Variants in FYN observed in about 807,000 individuals in gnomAD.
FYN encodes the protein FYN proto-oncogene, Src family tyrosine kinase.
Under a neutral mutation model 70.2 loss-of-function variants are expected in FYN, and 10 were observed. The observed-to-expected ratio is 0.14, with a 90% CI of 0.09 to 0.24. The LOEUF is 0.24. Among genes scored for constraint, FYN ranks in the 10% least tolerant of loss-of-function variants. The pLI is 1.00. For missense variants in FYN, 319 were observed against 673.1 expected, an observed-to-expected ratio of 0.47 and a Z score of 5.82; for synonymous variants, 236 against 248.6, an observed-to-expected ratio of 0.95 and a Z score of 0.48.
intron 2 of FYN, chr6:111,793,684 G>A (rs745906585): frequency 6.6e-6 from 1 of 152,254 alleles, no homozygotes; most frequent in African/African-American, 2.4e-5. Context: ...ATGAGGTCCA[G>A]AGTCTTCACC....
intron 5 of FYN, among the ~76,000 whole-genome samples, chr6:111,712,624 G>A (rs965329478): frequency 2.0e-5 from 3 of 152,200 alleles, no homozygotes; most frequent in African/African-American, 4.8e-5. Flanking sequence ...GATATCAAAC[G>A]ATGACGTCGA....
intron 2 of FYN, among the ~76,000 whole-genome samples, chr6:111,795,615 C>A (rs906027845): frequency 5.9e-5 from 9 of 152,274 alleles, no homozygotes; most frequent in Middle Eastern, 3.4e-3. Flanking sequence ...GAAGAACACT[C>A]TACCAGAGGG....
At chr6:111,871,014 A>C (rs1004232424) in intron 1 of FYN, among the ~76,000 whole-genome samples, 1 of 152,208 alleles carries the variant, frequency 6.6e-6, no homozygotes, top group African/African-American at 2.4e-5. Context: ...GTAAATATTT[A>C]ATGAATCATA....
Position 111,771,147 on chromosome 6 carries a change from C to G in FYN, c.-12+9419G>C, listed in dbSNP as rs552647134. Among the ~76,000 whole-genome samples the G allele has an allele frequency of 3.3e-5, 5 of 152,220 alleles. No homozygotes were observed. In the South Asian group the frequency reaches 1.0e-3, roughly 32 times the overall value. On this transcript the variant is annotated intron_variant, in intron 3 of 13. Coordinates refer to ENST00000354650, the MANE Select transcript of FYN (RefSeq NM_002037.5). ...ACCAACAGAGATCTTTAGCCTCTGCCTGGACCCATCTGGAGAGTCACTGCT... is the reference window on the plus strand; with the variant it reads ...ACCAACAGAGATCTTTAGCCTCTGCGTGGACCCATCTGGAGAGTCACTGCT...
intron 12 of FYN, among the ~76,000 whole-genome samples, chr6:111,688,375 C>G (rs773580271): frequency 5.3e-5 from 8 of 152,140 alleles, no homozygotes; most frequent in African/African-American, 1.9e-4. Context: ...GCAGCCACAA[C>G]AGCATTTGAT....
At chr6:111,728,528 C>T (rs1801291586) in intron 3 of FYN, among the ~76,000 whole-genome samples, 1 of 152,172 alleles carries the variant, frequency 6.6e-6, no homozygotes, top group African/African-American at 2.4e-5. Context: ...CAGCCCCTGG[C>T]AACCACGAAT....
intron 2 of FYN, among the ~76,000 whole-genome samples, chr6:111,805,601 A>G (rs1193157495): frequency 1.3e-5 from 2 of 151,832 alleles, no homozygotes; most frequent in South Asian, 2.1e-4. Context: ...TGCTCCTCCT[A>G]TCGGCTTCAC....
intron 6 of FYN, among the ~76,000 whole-genome samples, chr6:111,706,938 G>A (rs1023977296): frequency 6.6e-6 from 1 of 152,184 alleles, no homozygotes; most frequent in South Asian, 2.1e-4. Context: ...GTATTTGAGA[G>A]TGGGAAACAA....
chr6:111,807,091 C>T (rs923842860), intron 2 of FYN, among the ~76,000 whole-genome samples: 2 of 152,176 alleles, frequency 1.3e-5, no homozygotes, highest in African/African-American at 4.8e-5. Flanking sequence ...GTGACAGGGA[C>T]AGACTACTCA....
At chr6:111,836,833 T>G (rs1420393220) in intron 2 of FYN, among the ~76,000 whole-genome samples, 1 of 152,188 alleles carries the variant, frequency 6.6e-6, no homozygotes, top group African/African-American at 2.4e-5. Context: ...GGTTCTGAAA[T>G]GAGCCAAGAA....
chr6:111,842,491 C>T (rs1478934989), intron 2 of FYN, among the ~76,000 whole-genome samples: 2 of 152,172 alleles, frequency 1.3e-5, no homozygotes, highest in Admixed American at 6.5e-5. Flanking sequence ...AACCAGTACA[C>T]GCATTTGCGC....
At chr6:111,773,938 C>T (rs115234418) in intron 3 of FYN, among the ~76,000 whole-genome samples, 39 of 152,304 alleles carry the variant, frequency 2.6e-4, no homozygotes, top group African/African-American at 9.1e-4. Context: ...TAAGGGTTCA[C>T]CAGATAGGTA....
At chr6:111,786,978 T>C (rs1583443897) in intron 2 of FYN, among the ~76,000 whole-genome samples, 1 of 152,356 alleles carries the variant, frequency 6.6e-6, no homozygotes, top group African/African-American at 2.4e-5. Flanking sequence ...CTTTGTCAGA[T>C]GAGTAGATTG....
At position 111,868,580 on chromosome 6, in the gene FYN, C is replaced by G. The variant is rs758276261; in HGVS notation, c.-123+4388G>C. ...GCTATAAAATTATATTTCTCATCAACCAAAAGTCTTAGTTTCTAAAGCATT... is the reference window on the plus strand; with the variant it reads ...GCTATAAAATTATATTTCTCATCAAGCAAAAGTCTTAGTTTCTAAAGCATT... On this transcript the variant is annotated intron_variant, in intron 1 of 13. Coordinates refer to ENST00000354650, the MANE Select transcript of FYN (RefSeq NM_002037.5). Among the ~76,000 whole-genome samples, 24 of 152,134 alleles carry G rather than the reference C, an allele frequency of 1.6e-4. 1 individual carries two copies. The highest frequency in any genetic ancestry group is 1.8e-4 in the Non-Finnish European group (12 of 68,006).
intron 2 of FYN, among the ~76,000 whole-genome samples, chr6:111,788,930 C>T (rs1288498529): frequency 6.6e-6 from 1 of 152,070 alleles, no homozygotes; most frequent in East Asian, 1.9e-4. Flanking sequence ...TCTGCTTCCC[C>T]TGCCTGCAGG....
chr6:111,770,055 A>T (rs963174839), intron 3 of FYN, among the ~76,000 whole-genome samples: 1 of 152,172 alleles, frequency 6.6e-6, no homozygotes, highest in African/African-American at 2.4e-5. Flanking sequence ...TAAAGAACAT[A>T]GCTGGGTGTG....
At chr6:111,723,541 A>C (rs538988269) in intron 3 of FYN, among the ~76,000 whole-genome samples, 13 of 152,356 alleles carry the variant, frequency 8.5e-5, no homozygotes, top group South Asian at 2.1e-4. Context: ...AAAATAAATC[A>C]GTAAATGCAG....
intron 1 of FYN, among the ~76,000 whole-genome samples, chr6:111,865,460 T>C (rs1359684227): frequency 6.6e-6 from 1 of 152,226 alleles, no homozygotes; most frequent in African/African-American, 2.4e-5. Context: ...ACGTTTTTAT[T>C]AGACCATAAA....
intron 9 of FYN, among the ~76,000 whole-genome samples, chr6:111,698,760 C>G (rs1799691293): frequency 6.6e-6 from 1 of 152,156 alleles, no homozygotes; most frequent in Non-Finnish European, 1.5e-5. Context: ...AACATATTAA[C>G]CCATGTAATC....
Sources: gnomAD v4.1 joint callset for allele counts (sites outside exome capture counted in the v4.1 genomes callset) on GRCh38, gnomAD v4.1.1 for gene constraint, MANE v1.5 for transcripts, NCBI Gene and HGNC (gene_info 2026-07-23, HGNC 2026-07-21) for gene names.